The following TMEM117 variants were observed in gnomAD, a reference collection of about 807,000 sequenced individuals.
TMEM117 encodes the protein transmembrane protein 117.
In TMEM117, 27 loss-of-function variants were observed where a neutral mutation model predicts 52.4. That is an observed-to-expected ratio of 0.51 (90% CI 0.38 to 0.71). TMEM117 has a LOEUF of 0.71. TMEM117 is among the 30% of genes least tolerant of loss of function. TMEM117 has a pLI of 0.00. For missense variants in TMEM117, 556 were observed against 630.5 expected, an observed-to-expected ratio of 0.88 and a Z score of 1.26; for synonymous variants, 215 against 206.3, an observed-to-expected ratio of 1.04 and a Z score of -0.36.
intron 3 of TMEM117, among the ~76,000 whole-genome samples, chr12:44,100,864 A>G (rs1013937042): frequency 2.5e-4 from 31 of 122,342 alleles, no homozygotes; most frequent in Admixed American, 5.5e-4. Context: ...TGCTTGTCCA[A>G]CCGTCAGTTT....
chr12:43,951,564 AT>A (rs1192018326), intron 3 of TMEM117, among the ~76,000 whole-genome samples: 2 of 152,064 alleles, frequency 1.3e-5, no homozygotes, highest in African/African-American at 4.8e-5. Context: ...GCTTCTCTAG[AT>A]CCTTCCTCAG....
intron 2 of TMEM117, among the ~76,000 whole-genome samples, chr12:43,926,786 G>A (rs1359601311): frequency 6.6e-6 from 1 of 151,654 alleles, no homozygotes; most frequent in Non-Finnish European, 1.5e-5. Flanking sequence ...TATGTTTGTA[G>A]TTTTTCATTT....
intron 3 of TMEM117, among the ~76,000 whole-genome samples, chr12:44,104,258 G>A (rs1947914297): frequency 6.6e-6 from 1 of 151,878 alleles, no homozygotes; most frequent in Non-Finnish European, 1.5e-5. Context: ...TTAAATTATA[G>A]CTTTGGGTTT....
chr12:44,111,765 T>A (rs1367158641), intron 3 of TMEM117, among the ~76,000 whole-genome samples: 2 of 143,078 alleles, frequency 1.4e-5, no homozygotes, highest in Non-Finnish European at 3.0e-5. Context: ...GTATCCTTGT[T>A]GACTTTCTGT....
At chr12:43,975,019 T>A (rs1198353627) in intron 3 of TMEM117, among the ~76,000 whole-genome samples, 1 of 152,146 alleles carries the variant, frequency 6.6e-6, no homozygotes, top group African/African-American at 2.4e-5. Context: ...CCCTCAATAT[T>A]TGACAGCAAA....
At chr12:43,797,696 T>C in the TMEM117 span, 2 of 1,610,678 alleles carry the variant, frequency 1.2e-6, no homozygotes, top group Non-Finnish European at 1.7e-6. Flanking sequence ...ATAATCATTA[T>C]ACATCTCTTA....
intron 5 of TMEM117, among the ~76,000 whole-genome samples, chr12:44,247,743 G>A (rs1246732687): frequency 6.6e-6 from 1 of 152,178 alleles, no homozygotes; most frequent in East Asian, 1.9e-4. Flanking sequence ...CCCCATGCCA[G>A]GGGGCAGTAT....
intron 3 of TMEM117, among the ~76,000 whole-genome samples, chr12:44,113,949 C>A (rs1248648583): frequency 7.5e-6 from 1 of 133,922 alleles, no homozygotes; most frequent in Non-Finnish European, 1.5e-5. Context: ...GCGCAATATT[C>A]GGGTGGGAGT....
chr12:44,070,073 T>C (rs949967374), intron 3 of TMEM117, among the ~76,000 whole-genome samples: 1 of 152,166 alleles, frequency 6.6e-6, no homozygotes, highest in Non-Finnish European at 1.5e-5. Context: ...GTATTTTTTG[T>C]AGAGATAGGG....
intron 7 of TMEM117, among the ~76,000 whole-genome samples, chr12:44,381,737 T>C (rs1952023810): frequency 6.6e-6 from 1 of 152,166 alleles, no homozygotes; most frequent in Non-Finnish European, 1.5e-5. Flanking sequence ...GGTGAGAATG[T>C]GGAAAATAAT....
chr12:44,093,349 A>G (rs1947705886), intron 3 of TMEM117, among the ~76,000 whole-genome samples: 1 of 152,132 alleles, frequency 6.6e-6, no homozygotes, highest in African/African-American at 2.4e-5. Context: ...TCCCAGTTTG[A>G]TAATTATTAA....
chr12:43,952,486 G>A (rs1164578371), intron 3 of TMEM117, among the ~76,000 whole-genome samples: 1 of 151,988 alleles, frequency 6.6e-6, no homozygotes, highest in Non-Finnish European at 1.5e-5. Flanking sequence ...AGAGAACTTT[G>A]TGATGCAGAC....
intron 6 of TMEM117, 52 bp downstream of exon 6, chr12:44,299,791 T>C (rs1264783061): frequency 6.3e-7 from 1 of 1,598,098 alleles, no homozygotes. Context: ...CTGTTCCCAG[T>C]ATAACAAACA....
intron 3 of TMEM117, among the ~76,000 whole-genome samples, chr12:44,105,524 G>T (rs1055561426): frequency 3.3e-5 from 5 of 151,782 alleles, no homozygotes; most frequent in African/African-American, 9.7e-5. Flanking sequence ...AGTATACCTG[G>T]TAATCATGCA....
chr12:44,151,299 TTATGATTTTTC>T (rs138750761), intron 4 of TMEM117, among the ~76,000 whole-genome samples: 4,573 of 152,020 alleles, frequency 0.03, 157 homozygotes, highest in African/African-American at 0.082. Context: ...CACATATTCT[TTATGATTTTTC>T]TAACGTAAAG....
chr12:44,086,101 G>A (rs1175654260), intron 3 of TMEM117, among the ~76,000 whole-genome samples: 1 of 151,730 alleles, frequency 6.6e-6, no homozygotes, highest in Non-Finnish European at 1.5e-5. Context: ...AAGTGAACAA[G>A]AAAGCTAACA....
At chr12:43,873,740 T>C (rs1203971448) in intron 2 of TMEM117, among the ~76,000 whole-genome samples, 1 of 152,030 alleles carries the variant, frequency 6.6e-6, no homozygotes, top group Non-Finnish European at 1.5e-5. Flanking sequence ...TTTTTTCCTT[T>C]TATATTTCTC....
At chr12:44,013,619 G>A (rs1946329309) in intron 3 of TMEM117, among the ~76,000 whole-genome samples, 1 of 152,154 alleles carries the variant, frequency 6.6e-6, no homozygotes, top group East Asian at 1.9e-4. Flanking sequence ...AGGGCCTGGA[G>A]ATAAGACTCA....
chr12:43,933,893 C>T (rs1480566123), intron 2 of TMEM117, among the ~76,000 whole-genome samples: 1 of 152,082 alleles, frequency 6.6e-6, no homozygotes, highest in African/African-American at 2.4e-5. Context: ...TCTAATGGTT[C>T]AGGAAATATT....
Sources: gnomAD v4.1 joint callset for allele counts (sites outside exome capture counted in the v4.1 genomes callset) on GRCh38, gnomAD v4.1.1 for gene constraint, MANE v1.5 for transcripts, NCBI Gene and HGNC (gene_info 2026-07-23, HGNC 2026-07-21) for gene names.